The following RSPO2 variants were observed in gnomAD, a reference collection of about 807,000 sequenced individuals.
RSPO2 encodes the protein R-spondin 2, also known as R-spondin-2.
Under a neutral mutation model 30.9 loss-of-function variants are expected in RSPO2, and 14 were observed. The observed-to-expected ratio is 0.45, with a 90% confidence interval of 0.30 to 0.71. RSPO2 has a LOEUF of 0.71. RSPO2 is among the 30% of genes least tolerant of loss of function. The pLI, the probability that RSPO2 is intolerant of heterozygous loss-of-function variation, is 0.08. For synonymous variants in RSPO2, 107 were observed against 96.4 expected (o/e 1.11, Z -0.64); for missense variants, 264 against 301.9 (o/e 0.87, Z 0.93).
chr8:107,952,462 C>A (rs1813285964), intron 5 of RSPO2, among the ~76,000 whole-genome samples: 1 of 152,062 alleles, frequency 6.6e-6, no homozygotes, highest in Admixed American at 6.6e-5. Context: ...TAAGAATTTC[C>A]TTTTAGATGC....
At chr8:108,028,956 C>A (rs1811314794) in intron 2 of RSPO2, among the ~76,000 whole-genome samples, 1 of 59,798 alleles carries the variant, frequency 1.7e-5, no homozygotes, top group Admixed American at 1.4e-4. Flanking sequence ...ATATAAATAT[C>A]TAATTTTTTT....
intron 5 of RSPO2, among the ~76,000 whole-genome samples, chr8:107,930,903 C>T (rs1812534287): frequency 6.6e-6 from 1 of 152,188 alleles, no homozygotes; most frequent in African/African-American, 2.4e-5. Flanking sequence ...CCTTACTTAA[C>T]TGACTTGCTA....
chr8:108,057,610 A>T (rs974383076), intron 2 of RSPO2, among the ~76,000 whole-genome samples: 1 of 152,204 alleles, frequency 6.6e-6, no homozygotes, highest in African/African-American at 2.4e-5. Flanking sequence ...AGCAGGAGGC[A>T]TATAAATGAC....
In RSPO2 at chr8:108,014,851, A is replaced by G. The variant is rs200077347; in HGVS notation, c.95-25607T>C. 5.0e-4 allele frequency among the ~76,000 whole-genome samples: 76 copies of G among 152,022 alleles called. No homozygotes were observed. The East Asian group carries it at 9.7e-3, about 19-fold the overall frequency. Reference sequence around the variant, plus strand: ...CCAGAACTTAAAGTATAATAAAAAAAAAAAAAAGAAAAAAAATTCGGTAGA... The same window carrying G: ...CCAGAACTTAAAGTATAATAAAAAAGAAAAAAAGAAAAAAAATTCGGTAGA... On this transcript the variant is annotated intron_variant, in intron 2 of 5. Coordinates refer to ENST00000276659, the MANE Select transcript of RSPO2 (RefSeq NM_178565.5).
chr8:108,068,125 T>C (rs936319317), intron 2 of RSPO2, among the ~76,000 whole-genome samples: 2 of 151,808 alleles, frequency 1.3e-5, no homozygotes, highest in Non-Finnish European at 2.9e-5. Context: ...CTGATAGAGA[T>C]GAACAGCAAG....
chr8:108,006,811 T>G (rs1016923942), intron 2 of RSPO2, among the ~76,000 whole-genome samples: 4 of 152,168 alleles, frequency 2.6e-5, no homozygotes, highest in Non-Finnish European at 4.4e-5. Flanking sequence ...TCCCTTGCAT[T>G]CTCTCCCTCT....
intron 5 of RSPO2, among the ~76,000 whole-genome samples, chr8:107,948,940 C>T (rs1025313024): frequency 6.7e-6 from 1 of 150,304 alleles, no homozygotes; most frequent in African/African-American, 2.4e-5. Context: ...AGTAACTGCC[C>T]CCTGCAATAT....
rs536527020 is a variant in RSPO2 at position 108,045,975 on chromosome 8, T to C, written c.94+36570A>G. Among the ~76,000 whole-genome samples, 214 of 152,296 alleles carry C rather than the reference T, an allele frequency of 1.4e-3. 1 individual carries two copies. The highest frequency in any genetic ancestry group is 1.7e-3 in the Non-Finnish European group (119 of 68,004). Reference sequence around the variant, plus strand: ...TTTATTCACTGAATTGGAGAATCTCTACATCTCAGGCATACATAAGTAAAT... The same window carrying C: ...TTTATTCACTGAATTGGAGAATCTCCACATCTCAGGCATACATAAGTAAAT... On this transcript the variant is annotated intron_variant, in intron 2 of 5. Coordinates refer to ENST00000276659, the MANE Select transcript of RSPO2 (RefSeq NM_178565.5).
intron 2 of RSPO2, among the ~76,000 whole-genome samples, chr8:108,076,702 T>A (rs896598432): frequency 4.6e-5 from 7 of 152,000 alleles, no homozygotes; most frequent in Admixed American, 3.3e-4. Flanking sequence ...GCATGGAATA[T>A]CTATCCATAT....
At chr8:107,927,786 G>T (rs1369612799) in intron 5 of RSPO2, among the ~76,000 whole-genome samples, 5 of 151,718 alleles carry the variant, frequency 3.3e-5, no homozygotes. Flanking sequence ...ATGTACTGCT[G>T]GATTCGGTTT....
intron 2 of RSPO2, among the ~76,000 whole-genome samples, chr8:107,996,065 C>CA (rs990502050): frequency 2.0e-5 from 3 of 151,752 alleles, no homozygotes; most frequent in African/African-American, 7.3e-5. Context: ...GAGTGAGGTT[C>CA]AAAAAAATTA....
At chr8:108,022,963 T>A (rs1327218110) in intron 2 of RSPO2, among the ~76,000 whole-genome samples, 2 of 147,714 alleles carry the variant, frequency 1.4e-5, no homozygotes, top group African/African-American at 5.0e-5. Context: ...ACACTCACAG[T>A]AGTTGCATCT....
chr8:108,024,664 C>T (rs1034747040), intron 2 of RSPO2, among the ~76,000 whole-genome samples: 1 of 152,124 alleles, frequency 6.6e-6, no homozygotes, highest in Admixed American at 6.6e-5. Flanking sequence ...ACACACACCT[C>T]TTTCTATTGT....
intron 3 of RSPO2, among the ~76,000 whole-genome samples, chr8:107,980,542 T>G (rs895681224): frequency 1.4e-4 from 21 of 152,230 alleles, no homozygotes; most frequent in Admixed American, 1.4e-3. Flanking sequence ...TAATACATGA[T>G]TTAGAGCATT....
intron 5 of RSPO2, among the ~76,000 whole-genome samples, chr8:107,902,501 A>C (rs892797742): frequency 6.6e-6 from 1 of 152,070 alleles, no homozygotes; most frequent in Non-Finnish European, 1.5e-5. Flanking sequence ...TAGCCTATGG[A>C]GAAGGAGGCT....
At chr8:107,905,877 T>C (rs1811624378) in intron 5 of RSPO2, among the ~76,000 whole-genome samples, 1 of 151,926 alleles carries the variant, frequency 6.6e-6, no homozygotes, top group Non-Finnish European at 1.5e-5. Context: ...AACTGGTTTC[T>C]AAAATATTTT....
chr8:107,951,146 C>T (rs1813233677), intron 5 of RSPO2, among the ~76,000 whole-genome samples: 1 of 151,646 alleles, frequency 6.6e-6, no homozygotes, highest in African/African-American at 2.4e-5. Context: ...AGCTCCACCT[C>T]CTGGGTTCAA....
intron 2 of RSPO2, among the ~76,000 whole-genome samples, chr8:108,015,072 C>T (rs974330858): frequency 2.6e-5 from 4 of 151,948 alleles, no homozygotes; most frequent in Admixed American, 1.3e-4. Flanking sequence ...AGAAAAGTAC[C>T]CCATATTATA....
rs552945359 is a variant in RSPO2, at chr8:107,939,534, TG to T, written c.616+18545del. Among the ~76,000 whole-genome samples the T allele has an allele frequency of 2.8e-3, 418 of 151,600 alleles. 7 individuals are homozygous for T. The highest frequency in any genetic ancestry group is 0.023 in the Admixed American group (354 of 15,212). On this transcript the variant is annotated intron_variant, in intron 5 of 5. Coordinates refer to ENST00000276659, the MANE Select transcript of RSPO2 (RefSeq NM_178565.5). Reference sequence around the variant, plus strand: ...GCTGTCTCTACTGTGCTTTTGACTCTGGTTCTGCTGTTCAATAACTTAAAAA... The same window carrying T: ...GCTGTCTCTACTGTGCTTTTGACTCTGTTCTGCTGTTCAATAACTTAAAAA...
Sources: gnomAD v4.1 joint callset for allele counts (sites outside exome capture counted in the v4.1 genomes callset) on GRCh38, gnomAD v4.1.1 for gene constraint, MANE v1.5 for transcripts, NCBI Gene and HGNC (gene_info 2026-07-23, HGNC 2026-07-21) for gene names.